Variants in TMOD1 observed in about 807,000 individuals in gnomAD.
The protein encoded by TMOD1 is tropomodulin-1.
A neutral mutation model predicts 40.6 loss-of-function variants in TMOD1; 17 were observed. The observed-to-expected ratio is 0.42, with a 90% CI of 0.29 to 0.63. The LOEUF (loss-of-function observed/expected upper bound fraction) is 0.63. TMOD1 is among the 20% of genes least tolerant of loss of function. The pLI is 0.22. For missense variants in TMOD1, 391 were observed against 447.6 expected (o/e 0.87, Z 1.14); for synonymous variants, 181 against 175.0 (o/e 1.03, Z -0.27).
intron 1 of TMOD1, among the ~76,000 whole-genome samples, chr9:97,510,077 C>A (rs117405241): frequency 1.6e-4 from 24 of 151,968 alleles, no homozygotes; most frequent in Non-Finnish European, 3.2e-4. Context: ...TGGTATTGTT[C>A]GTATTAATTT....
At position 97,601,539 on chromosome 9, in the gene TMOD1, A is replaced by G. The variant is rs946234728; in HGVS notation, c.*1841A>G. 2 of 990,296 alleles carry G rather than the reference A, an allele frequency of 2.0e-6. No individual in the cohort carries two copies. Among genetic ancestry groups the G allele is most frequent in the African/African-American group, 1.7e-5 (1 of 57,306 alleles). 61.3% of individuals were successfully genotyped at this position (990,296 alleles called of 1,614,324 possible). ...AAACCAACAGAAAATGAAGAAGGCC[A>G]CATCTTTAAGGCCACCTCTGCCTCT... On this transcript the variant is annotated 3_prime_UTR_variant, in exon 10 of 10. Transcript: ENST00000259365.
chr9:97,525,546 A>G (rs928492236), intron 2 of TMOD1, among the ~76,000 whole-genome samples: 4 of 152,180 alleles, frequency 2.6e-5, no homozygotes, highest in Non-Finnish European at 5.9e-5. Flanking sequence ...CGATGGGGTG[A>G]CCTAAGCTTT....
intron 1 of TMOD1, among the ~76,000 whole-genome samples, chr9:97,507,771 A>G (rs1157368019): frequency 4.6e-5 from 7 of 152,088 alleles, no homozygotes; most frequent in Non-Finnish European, 8.8e-5. Flanking sequence ...CCAAGGGGAA[A>G]GGGGGGGACA....
chr9:97,570,279 A>G (rs1169978402), intron 8 of TMOD1, among the ~76,000 whole-genome samples: 1 of 152,116 alleles, frequency 6.6e-6, no homozygotes, highest in Non-Finnish European at 1.5e-5. Context: ...TCATGCCTCC[A>G]TGCCTTTCCC....
intron 6 of TMOD1, among the ~76,000 whole-genome samples, chr9:97,565,047 T>C (rs187299645): frequency 1.3e-5 from 2 of 152,334 alleles, no homozygotes; most frequent in South Asian, 2.1e-4. Flanking sequence ...CTCTGAGAGA[T>C]TGGTAAAAAC....
intron 1 of TMOD1, among the ~76,000 whole-genome samples, chr9:97,521,508 C>A (rs1424102421): frequency 6.6e-6 from 1 of 152,172 alleles, no homozygotes; most frequent in Non-Finnish European, 1.5e-5. Flanking sequence ...ATCCTCTCCC[C>A]ATCCTGGCTT....
At chr9:97,532,307 C>T (rs894175243) in intron 2 of TMOD1, among the ~76,000 whole-genome samples, 1 of 152,164 alleles carries the variant, frequency 6.6e-6, no homozygotes, top group Non-Finnish European at 1.5e-5. Context: ...GCCCTCTGGA[C>T]CCATGACCAC....
chr9:97,589,554 C>T (rs2131290814), intron 8 of TMOD1, among the ~76,000 whole-genome samples: 1 of 152,150 alleles, frequency 6.6e-6, no homozygotes, highest in South Asian at 2.1e-4. Flanking sequence ...GCTGGGATTA[C>T]AGGCGTGAGC....
At chr9:97,545,291 A>G (rs1830343619) in intron 2 of TMOD1, among the ~76,000 whole-genome samples, 1 of 152,216 alleles carries the variant, frequency 6.6e-6, no homozygotes, top group African/African-American at 2.4e-5. Context: ...GAGTGTGTGC[A>G]CTGATGATCT....
rs531113924 is a variant in TMOD1 at position 97,524,302 on chromosome 9, C to T, written c.114C>T (p.Asp38=). 1.2e-6 allele frequency: 2 copies of T among 1,613,904 alleles called. No homozygotes were observed. The highest frequency in any genetic ancestry group is 1.7e-5 in the Admixed American group (1 of 59,996). The change falls in exon 2 of 10, where the codon GAC becomes GAT. Residue 38 remains aspartate, a synonymous_variant. Transcript: ENST00000259365. ...TGGAAAATGAGCTGGATGAGCTGGA[C>T]CCTGATGTGAGTAGGTGCTAAAGGG... The part of the protein sequence containing the change: ...RTLENELDEL[D]PDNALLPAGL...
intron 2 of TMOD1, among the ~76,000 whole-genome samples, chr9:97,534,030 G>T (rs1830141494): frequency 6.6e-6 from 1 of 152,182 alleles, no homozygotes; most frequent in African/African-American, 2.4e-5. Context: ...AAAGGGATGG[G>T]GAGGGGGAGG....
At chr9:97,560,819 C>T (rs920032360) in intron 4 of TMOD1, among the ~76,000 whole-genome samples, 2 of 151,616 alleles carry the variant, frequency 1.3e-5, no homozygotes, top group Non-Finnish European at 2.9e-5. Context: ...GCCGAGATCT[C>T]GCCACTGCAC....
At chr9:97,584,250 C>T (rs371929233) in intron 8 of TMOD1, among the ~76,000 whole-genome samples, 1 of 152,184 alleles carries the variant, frequency 6.6e-6, no homozygotes, top group Non-Finnish European at 1.5e-5. Flanking sequence ...GCCTTCATTT[C>T]GTTATGTACC....
Position 97,559,245 on chromosome 9 carries a change from G to T in TMOD1, c.398-3487G>T, listed in dbSNP as rs375895935. On this transcript the variant is annotated intron_variant, in intron 4 of 9. Coordinates refer to ENST00000259365, the MANE Select transcript of TMOD1 (RefSeq NM_003275.4). ...TCTGATTCACCTGCTGCTGACTCAG[G>T]CCTCAGCTTCTGTTGCCCACGTAGA... Among the ~76,000 whole-genome samples, 3 of 152,208 alleles carry T rather than the reference G, an allele frequency of 2.0e-5. No individual in the cohort carries two copies. In the East Asian group the frequency reaches 5.8e-4, roughly 29 times the overall value.
Position 97,568,906 on chromosome 9 carries a change from A to C in TMOD1, c.739A>C (p.Met247Leu). The C allele has an allele frequency of 6.2e-7, 1 of 1,614,096 alleles. No homozygotes were observed. The highest frequency in any genetic ancestry group is 8.5e-7 in the Non-Finnish European group (1 of 1,179,984). ...CTTGTGCTTCAAGGCCCTTGCTGAG[A>C]TGCTCAAGGAGAACAAGGTGTTGAA... ...NDPVAYALAE[M>L]LKENKVLKTL... Residue 247 changes from methionine (M) to leucine (L), a missense_variant, in exon 8 of 10, where the codon ATG becomes CTG. By Grantham distance (15) the Met-to-Leu change is conservative. Coordinates refer to ENST00000259365, the MANE Select transcript of TMOD1 (RefSeq NM_003275.4).
chr9:97,588,885 G>A (rs1275746215), intron 8 of TMOD1, among the ~76,000 whole-genome samples: 1 of 152,036 alleles, frequency 6.6e-6, no homozygotes, highest in Non-Finnish European at 1.5e-5. Flanking sequence ...CTTTGGCCAA[G>A]GCAGGTGGAT....
intron 1 of TMOD1, among the ~76,000 whole-genome samples, chr9:97,511,381 G>A (rs1829694890): frequency 6.6e-6 from 1 of 152,082 alleles, no homozygotes; most frequent in Non-Finnish European, 1.5e-5. Flanking sequence ...GGGGCTCCAC[G>A]CACATCTGTC....
rs1412591693 is a variant in TMOD1, at chr9:97,562,821, A to G, written c.487A>G (p.Ser163Gly). Residue 163 changes from serine to glycine, a missense_variant and splice_region_variant, in exon 5 of 10, where the codon AGC (serine) becomes GGC (glycine). Transcript: ENST00000259365. The stretch of plus-strand genomic sequence containing the variant: ...CATCATGAACAAGGAGGGGCTCAAC[A>G]GTGAGTATGCGCCCGCCCCCAGGAG... ...SSIMNKEGLN[S>G]VIKPTQYKPV... 2 of 1,584,104 alleles carry G rather than the reference A, an allele frequency of 1.3e-6. No individual in the cohort carries two copies. Among genetic ancestry groups the G allele is most frequent in the Non-Finnish European group, 1.7e-6 (2 of 1,168,716 alleles).
chr9:97,519,215 C>G (rs762427841), intron 1 of TMOD1, among the ~76,000 whole-genome samples: 1 of 152,184 alleles, frequency 6.6e-6, no homozygotes, highest in Admixed American at 6.5e-5. Flanking sequence ...CTTCTCAGAG[C>G]TTTCATTTCT....
Sources: gnomAD v4.1 joint callset for allele counts (sites outside exome capture counted in the v4.1 genomes callset) on GRCh38, gnomAD v4.1.1 for gene constraint, MANE v1.5 for transcripts, NCBI Gene and HGNC (gene_info 2026-07-23, HGNC 2026-07-21) for gene names.